SGCZ: variants seen among roughly 807,000 people sequenced by gnomAD.
SGCZ encodes the protein sarcoglycan zeta.
A neutral mutation model predicts 41.3 loss-of-function variants in SGCZ; 40 were observed. The ratio of observed to expected loss-of-function variants is 0.97; its 90% confidence interval spans 0.75 to 1.26. The LOEUF (loss-of-function observed/expected upper bound fraction) is 1.26, where lower values mean the gene tolerates loss of function less well. Among genes scored for constraint, SGCZ ranks in the 50% most tolerant of loss-of-function variants. The probability of loss-of-function intolerance (pLI) is 0.00; values close to 1 mark genes in which losing one functional copy is unlikely to be tolerated. For synonymous variants in SGCZ, 206 were observed against 137.5 expected (o/e 1.50, Z -3.49); for missense variants, 552 against 369.8 (o/e 1.49, Z -4.04).
At chr8:14,591,972 C>G (rs1249328244) in intron 1 of SGCZ, among the ~76,000 whole-genome samples, 1 of 151,994 alleles carries the variant, frequency 6.6e-6, no homozygotes, top group East Asian at 1.9e-4. Context: ...ATGATGCCAG[C>G]AATAGTAAAC....
intron 1 of SGCZ, among the ~76,000 whole-genome samples, chr8:15,050,877 G>A (rs1477703093): frequency 6.6e-6 from 1 of 152,118 alleles, no homozygotes; most frequent in Middle Eastern, 3.2e-3. Flanking sequence ...ATGCCTGAAT[G>A]TTTATTGGAA....
intron 2 of SGCZ, among the ~76,000 whole-genome samples, chr8:14,456,373 A>G (rs1349225509): frequency 2.0e-5 from 3 of 152,178 alleles, no homozygotes; most frequent in East Asian, 1.9e-4. Flanking sequence ...GCACCATTGC[A>G]CTCCAGCCTG....
At chr8:14,313,100 C>A (rs1801601557) in intron 3 of SGCZ, among the ~76,000 whole-genome samples, 1 of 152,104 alleles carries the variant, frequency 6.6e-6, no homozygotes, top group African/African-American at 2.4e-5. Context: ...CTACTTCGAG[C>A]CAAGTTCTCT....
intron 1 of SGCZ, among the ~76,000 whole-genome samples, chr8:14,951,472 G>A (rs1475305722): frequency 6.6e-6 from 1 of 151,746 alleles, no homozygotes; most frequent in Non-Finnish European, 1.5e-5. Context: ...TACTTCTGTG[G>A]GATTATATGG....
At chr8:14,100,809 C>A (rs1276210757) in intron 7 of SGCZ, among the ~76,000 whole-genome samples, 1 of 151,700 alleles carries the variant, frequency 6.6e-6, no homozygotes, top group Non-Finnish European at 1.5e-5. Flanking sequence ...TAAATTATGA[C>A]CTCATCATTA....
At chr8:14,890,116 C>G (rs1246747746) in intron 1 of SGCZ, among the ~76,000 whole-genome samples, 1 of 151,956 alleles carries the variant, frequency 6.6e-6, no homozygotes, top group Non-Finnish European at 1.5e-5. Flanking sequence ...ACTCGGGAGG[C>G]TGAGGCAGGT....
At chr8:14,744,588 T>C (rs1563241192) in intron 1 of SGCZ, among the ~76,000 whole-genome samples, 1 of 152,264 alleles carries the variant, frequency 6.6e-6, no homozygotes, top group Admixed American at 6.6e-5. Flanking sequence ...ATGAGAATAC[T>C]GGATCCACGT....
chr8:14,970,090 G>A (rs1801242145), intron 1 of SGCZ, among the ~76,000 whole-genome samples: 4 of 152,076 alleles, frequency 2.6e-5, no homozygotes, highest in Admixed American at 6.5e-5. Flanking sequence ...TCTCATAAGT[G>A]TGTAGTGATA....
chr8:14,596,860 T>C (rs1254681807), intron 1 of SGCZ, among the ~76,000 whole-genome samples: 1 of 152,068 alleles, frequency 6.6e-6, no homozygotes, highest in Non-Finnish European at 1.5e-5. Context: ...AGAAACAGAA[T>C]TTTTTTAAGA....
At chr8:14,325,238 G>T (rs956076738) in intron 2 of SGCZ, among the ~76,000 whole-genome samples, 1 of 152,008 alleles carries the variant, frequency 6.6e-6, no homozygotes, top group African/African-American at 2.4e-5. Flanking sequence ...TAATTGCGTA[G>T]TAGTTTGAGG....
intron 1 of SGCZ, among the ~76,000 whole-genome samples, chr8:14,599,933 T>A (rs542475455): frequency 6.6e-6 from 1 of 152,260 alleles, no homozygotes; most frequent in African/African-American, 2.4e-5. Context: ...GAAATAAAAA[T>A]AAAATAAAAT....
At chr8:15,022,826 T>C (rs954072935) in intron 1 of SGCZ, among the ~76,000 whole-genome samples, 1 of 152,198 alleles carries the variant, frequency 6.6e-6, no homozygotes. Flanking sequence ...GACATTCAAA[T>C]AGTCTTGTGC....
chr8:14,834,782 G>A (rs1317422371), intron 1 of SGCZ, among the ~76,000 whole-genome samples: 1 of 152,128 alleles, frequency 6.6e-6, no homozygotes, highest in Non-Finnish European at 1.5e-5. Context: ...TTGATAAGGT[G>A]GAAAGAGCAC....
At chr8:14,821,786 T>C (rs990096440) in intron 1 of SGCZ, among the ~76,000 whole-genome samples, 1 of 151,822 alleles carries the variant, frequency 6.6e-6, no homozygotes, top group South Asian at 2.1e-4. Context: ...AAAAAAATTA[T>C]CAACAAATTA....
intron 5 of SGCZ, among the ~76,000 whole-genome samples, chr8:14,153,647 G>A (rs975992412): frequency 6.6e-6 from 1 of 152,090 alleles, no homozygotes; most frequent in Non-Finnish European, 1.5e-5. Context: ...TTGGAATTCA[G>A]CTACTATAAA....
chr8:14,386,203 C>T (rs1804570644), intron 2 of SGCZ, among the ~76,000 whole-genome samples: 1 of 151,722 alleles, frequency 6.6e-6, no homozygotes, highest in Non-Finnish European at 1.5e-5. Flanking sequence ...CAAATCAACA[C>T]TTATTGAAGG....
chr8:14,574,682 C>G (rs899687447), intron 1 of SGCZ, among the ~76,000 whole-genome samples: 6 of 152,170 alleles, frequency 3.9e-5, no homozygotes, highest in African/African-American at 7.2e-5. Context: ...AATCTGAACA[C>G]TCCATGGTCA....
At chr8:14,454,349 A>C (rs1295738956) in intron 2 of SGCZ, among the ~76,000 whole-genome samples, 1 of 152,182 alleles carries the variant, frequency 6.6e-6, no homozygotes. Context: ...ATGCTACCTT[A>C]ATCCTGCTGA....
intron 1 of SGCZ, among the ~76,000 whole-genome samples, chr8:15,176,491 C>A (rs141192305): frequency 6.6e-5 from 10 of 152,140 alleles, no homozygotes; most frequent in Admixed American, 3.9e-4. Context: ...ATATACCAAG[C>A]GGTTTTCCAA....
Sources: gnomAD v4.1 joint callset for allele counts (sites outside exome capture counted in the v4.1 genomes callset) on GRCh38, gnomAD v4.1.1 for gene constraint, MANE v1.5 for transcripts, NCBI Gene and HGNC (gene_info 2026-07-23, HGNC 2026-07-21) for gene names.